The following LMTK2 variants were observed in gnomAD, a reference collection of about 807,000 sequenced individuals.
The protein encoded by LMTK2 is serine/threonine-protein kinase LMTK2.
Under a neutral mutation model 127.5 loss-of-function variants are expected in LMTK2, and 37 were observed. That is an observed-to-expected ratio of 0.29 (90% confidence interval 0.22 to 0.38). LMTK2 has a LOEUF of 0.38. LMTK2 is among the 10% of genes least tolerant of loss of function. The pLI, the probability that LMTK2 is intolerant of heterozygous loss-of-function variation, is 1.00. For synonymous variants in LMTK2, 819 were observed against 810.1 expected (o/e 1.01, Z -0.19); for missense variants, 1,694 against 1,920.3 (o/e 0.88, Z 2.20).
intron 9 of LMTK2, among the ~76,000 whole-genome samples, chr7:98,188,177 G>A (rs1469825342): frequency 3.9e-5 from 6 of 151,956 alleles, no homozygotes; most frequent in Non-Finnish European, 8.8e-5. Flanking sequence ...CCTGCCTCAA[G>A]TAATCACTCT....
At chr7:98,127,946 T>G (rs1464719088) in intron 1 of LMTK2, among the ~76,000 whole-genome samples, 1 of 152,106 alleles carries the variant, frequency 6.6e-6, no homozygotes, top group African/African-American at 2.4e-5. Context: ...AGTTTGAGAT[T>G]AGCCTGGCCA....
chr7:98,198,531 G>A (rs1050123137), intron 11 of LMTK2, among the ~76,000 whole-genome samples: 2 of 151,866 alleles, frequency 1.3e-5, no homozygotes, highest in African/African-American at 4.8e-5. Context: ...CTGTCGCCCA[G>A]GCTGTAGTAG....
chr7:98,184,023 A>G lies in LMTK2; in HGVS notation c.792-1028A>G, dbSNP rs1443773369. On this transcript the variant is annotated intron_variant, in intron 7 of 13. Transcript: ENST00000297293. ...GGGAGAGACTGAGGCAAGTTTTAAGAACAGGAGTGAGAATTTGTTTGAAAG... is the reference window on the plus strand; with the variant it reads ...GGGAGAGACTGAGGCAAGTTTTAAGGACAGGAGTGAGAATTTGTTTGAAAG... 2.6e-5 allele frequency among the ~76,000 whole-genome samples: 4 copies of G among 152,178 alleles called. No individual in the cohort carries two copies. The East Asian group carries it at 7.7e-4, about 29-fold the overall frequency.
intron 6 of LMTK2, among the ~76,000 whole-genome samples, chr7:98,163,262 T>A (rs1797041088): frequency 6.6e-6 from 1 of 152,112 alleles, no homozygotes; most frequent in Non-Finnish European, 1.5e-5. Flanking sequence ...AAGTTAGACG[T>A]GGTTACAATG....
chr7:98,113,706 C>G (rs189849289), intron 1 of LMTK2, among the ~76,000 whole-genome samples: 6 of 152,182 alleles, frequency 3.9e-5, no homozygotes, highest in Admixed American at 3.9e-4. Flanking sequence ...ACTGCTCCCT[C>G]TAGGGATTTT....
At chr7:98,108,224 A>C (rs764036092) in intron 1 of LMTK2, among the ~76,000 whole-genome samples, 6 of 152,224 alleles carry the variant, frequency 3.9e-5, no homozygotes, top group Non-Finnish European at 8.8e-5. Context: ...TGACCTACCC[A>C]GGGTGACACA....
At chr7:98,188,132 T>C (rs1584290211) in intron 9 of LMTK2, among the ~76,000 whole-genome samples, 1 of 152,320 alleles carries the variant, frequency 6.6e-6, no homozygotes, top group East Asian at 1.9e-4. Flanking sequence ...TATTCGTTAG[T>C]CAGCTTCTCA....
intron 2 of LMTK2, among the ~76,000 whole-genome samples, chr7:98,140,192 CTGTCTT>C (rs1796672947): frequency 1.5e-5 from 1 of 67,022 alleles, no homozygotes; most frequent in Non-Finnish European, 2.4e-5. Flanking sequence ...TTTCTTCTTT[CTGTCTT>C]TGAGATGGTC....
intron 1 of LMTK2, among the ~76,000 whole-genome samples, chr7:98,123,473 T>C (rs1392708001): frequency 2.0e-5 from 3 of 152,112 alleles, no homozygotes; most frequent in Non-Finnish European, 4.4e-5. Flanking sequence ...TGTTGTGTCC[T>C]GGAACCCTTG....
At chr7:98,182,625 CTGTT>C (rs1164436147) in intron 7 of LMTK2, among the ~76,000 whole-genome samples, 1 of 152,124 alleles carries the variant, frequency 6.6e-6, no homozygotes, top group Non-Finnish European at 1.5e-5. Flanking sequence ...CCCTTGTGCT[CTGTT>C]GGTGGGAAGG....
chr7:98,125,871 A>G (rs1187947770), intron 1 of LMTK2, among the ~76,000 whole-genome samples: 1 of 152,214 alleles, frequency 6.6e-6, no homozygotes, highest in East Asian at 1.9e-4. Flanking sequence ...AGTAGAGAGA[A>G]GAGCATAATG....
intron 7 of LMTK2, among the ~76,000 whole-genome samples, chr7:98,184,620 T>A (rs554369242): frequency 3.9e-5 from 6 of 152,266 alleles, no homozygotes; most frequent in Admixed American, 3.3e-4. Context: ...TCCTAAAATG[T>A]ATAAAATTGA....
At chr7:98,134,602 C>A (rs1796571996) in intron 1 of LMTK2, among the ~76,000 whole-genome samples, 1 of 150,618 alleles carries the variant, frequency 6.6e-6, no homozygotes, top group South Asian at 2.1e-4. Flanking sequence ...CGCACTTGAG[C>A]ACAGGAGTTC....
rs181944296 is a variant in LMTK2 at position 98,178,635 on chromosome 7, T to C, written c.792-6416T>C. On this transcript the variant is annotated intron_variant, in intron 7 of 13. Coordinates refer to ENST00000297293, the MANE Select transcript of LMTK2 (RefSeq NM_014916.4). Reference sequence around the variant, plus strand: ...TTGCATTTCCTGACAAAAGCAGCCATTGACGTCAAGAGTTCCCTCTGTTGT... The same window carrying C: ...TTGCATTTCCTGACAAAAGCAGCCACTGACGTCAAGAGTTCCCTCTGTTGT... 8.5e-5 allele frequency among the ~76,000 whole-genome samples: 13 copies of C among 152,336 alleles called. No individual in the cohort carries two copies. In the East Asian group the frequency reaches 2.5e-3, roughly 29 times the overall value.
chr7:98,155,333 A>G (rs1177056549), intron 5 of LMTK2, among the ~76,000 whole-genome samples: 1 of 152,258 alleles, frequency 6.6e-6, no homozygotes, highest in Non-Finnish European at 1.5e-5. Context: ...TATTCATGTC[A>G]TAGATGTCTC....
Position 98,107,283 on chromosome 7 carries a change from G to A in LMTK2, c.103+3G>A. The A allele has an allele frequency of 2.2e-6, 3 of 1,364,834 alleles. No homozygotes were observed. Among genetic ancestry groups the A allele is most frequent in the Non-Finnish European group, 2.8e-6 (3 of 1,062,492 alleles). 84.5% of individuals were successfully genotyped at this position (1,364,834 alleles called of 1,614,324 possible). A position where few individuals can be genotyped will look rare whatever the true frequency, so the allele number is the denominator to read the frequency against. Reference sequence around the variant, plus strand: ...GCCACTTCCGCAAACAGGTGCAGGTGAGCGGGCCCGCGGCGGGGACGGGGC... The same window carrying A: ...GCCACTTCCGCAAACAGGTGCAGGTAAGCGGGCCCGCGGCGGGGACGGGGC... On this transcript the variant is annotated splice_donor_region_variant and intron_variant, in intron 1 of 13. Transcript: ENST00000297293.
intron 8 of LMTK2, among the ~76,000 whole-genome samples, chr7:98,186,508 C>CA (rs1299745419): frequency 6.6e-6 from 1 of 152,202 alleles, no homozygotes; most frequent in Non-Finnish European, 1.5e-5. Flanking sequence ...CCCGGTCTGT[C>CA]AGAGTCTAAA....
At position 98,194,266 on chromosome 7, in the gene LMTK2, G is replaced by T; in HGVS notation, c.3801G>T (p.Gly1267=). ...CGGACATCGAAGGGAAGTACCTGGG[G>T]AAACTCGGGGTGTCAGGGATGCTCG... ...KEPDIEGKYL[G]KLGVSGMLDL... Residue 1267 remains glycine, a synonymous_variant, in exon 11 of 14, where the codon GGG becomes GGT. Coordinates refer to ENST00000297293, the MANE Select transcript of LMTK2 (RefSeq NM_014916.4). This position sits in a 1 kb window ranked among gnomAD's most constrained non-coding sequence, Gnocchi z 5.4. 4 of 1,614,192 alleles carry T rather than the reference G, an allele frequency of 2.5e-6. No homozygotes were observed. The highest frequency in any genetic ancestry group is 3.4e-6 in the Non-Finnish European group (4 of 1,180,040).
chr7:98,163,333 C>T (rs1797042142), intron 6 of LMTK2, among the ~76,000 whole-genome samples: 1 of 151,992 alleles, frequency 6.6e-6, no homozygotes, highest in African/African-American at 2.4e-5. Context: ...AATTACCTCC[C>T]ACAATTTAAG....
Sources: gnomAD v4.1 joint callset for allele counts (sites outside exome capture counted in the v4.1 genomes callset) on GRCh38, gnomAD v4.1.1 for gene constraint, Gnocchi (gnomAD v3.1) non-coding constraint, MANE v1.5 for transcripts, NCBI Gene and HGNC (gene_info 2026-07-23, HGNC 2026-07-21) for gene names.